The following PCYT1B variants were observed in gnomAD, a reference collection of about 807,000 sequenced individuals.
PCYT1B encodes the protein choline-phosphate cytidylyltransferase B.
A neutral mutation model predicts 26.4 loss-of-function variants in PCYT1B; 10 were observed. The observed-to-expected ratio is 0.38, with a 90% CI of 0.23 to 0.64. The LOEUF is 0.64. PCYT1B is among the 30% of genes least tolerant of loss of function. PCYT1B has a pLI of 0.56. For synonymous variants in PCYT1B, 131 were observed against 108.4 expected (o/e 1.21, Z -1.29); for missense variants, 161 against 292.7 (o/e 0.55, Z 3.28).
In PCYT1B at chrX:24,614,817, C is replaced by A. The variant is rs772604043; in HGVS notation, c.217+4168G>T. 2.3e-4 allele frequency among the ~76,000 whole-genome samples: 26 copies of A among 112,130 alleles called. No homozygotes were observed. The South Asian group carries it at 6.0e-3, about 26-fold the overall frequency. On this transcript the variant is annotated intron_variant, in intron 2 of 7. Transcript: ENST00000379144. ...GCAAGATTCTTAAAAATTCTCCGAGCTTTTCTGCTAACAGTACAATGCTCC... is the reference window on the plus strand; with the variant it reads ...GCAAGATTCTTAAAAATTCTCCGAGATTTTCTGCTAACAGTACAATGCTCC...
chrX:24,572,258 A>ACGCG (rs756755932), intron 7 of PCYT1B, among the ~76,000 whole-genome samples: 1 of 103,182 alleles, frequency 9.7e-6, no homozygotes, highest in African/African-American at 3.5e-5. Flanking sequence ...ACATACACAC[A>ACGCG]CGCGCGCGCA....
At chrX:24,629,578 A>AAAAAC (rs1925991091) in intron 1 of PCYT1B, among the ~76,000 whole-genome samples, 2 of 100,016 alleles carry the variant, frequency 2.0e-5, no homozygotes. Flanking sequence ...AAAAAAAAAA[A>AAAAAC]AAAAAAAAAA....
intron 7 of PCYT1B, among the ~76,000 whole-genome samples, chrX:24,568,037 A>G (rs1164207801): frequency 8.9e-6 from 1 of 112,239 alleles, no homozygotes; most frequent in Non-Finnish European, 1.9e-5. Flanking sequence ...TAAAGGTTTC[A>G]GTATTTCAGA....
At chrX:24,620,370 T>C (rs1925662870) in intron 1 of PCYT1B, among the ~76,000 whole-genome samples, 1 of 111,367 alleles carries the variant, frequency 9.0e-6, no homozygotes, top group Admixed American at 9.5e-5. Context: ...CCTTCCACCC[T>C]AGAAGCTCAA....
intron 3 of PCYT1B, among the ~76,000 whole-genome samples, chrX:24,595,677 C>T (rs1239398160): frequency 9.1e-6 from 1 of 110,274 alleles, no homozygotes; most frequent in Non-Finnish European, 1.9e-5. Context: ...GTCAGGAATT[C>T]GAGACCAGCC....
At chrX:24,603,580 A>G (rs1278995211) in intron 3 of PCYT1B, among the ~76,000 whole-genome samples, 1 of 110,521 alleles carries the variant, frequency 9.0e-6, no homozygotes, top group Non-Finnish European at 1.9e-5. Context: ...AAAATTAGCC[A>G]GGCATGGTGG....
chrX:24,656,839 A>G (rs899125227), intron 1 of PCYT1B, among the ~76,000 whole-genome samples: 1 of 111,114 alleles, frequency 9.0e-6, no homozygotes, highest in Non-Finnish European at 1.9e-5. Context: ...GCCCAGCTCC[A>G]ATATTCTTAG....
rs371143600 is a variant in PCYT1B at position 24,574,761 on chromosome X, G to A, written c.897+369C>T. ...ATCCATGTCTTGTAACACAAGCTCCGTGCTGCCACTAGCCCACTTCATCTG... is the reference window on the plus strand; with the variant it reads ...ATCCATGTCTTGTAACACAAGCTCCATGCTGCCACTAGCCCACTTCATCTG... On this transcript the variant is annotated intron_variant, in intron 7 of 7. Coordinates refer to ENST00000379144, the MANE Select transcript of PCYT1B (RefSeq NM_004845.5). 3.8e-4 allele frequency among the ~76,000 whole-genome samples: 42 copies of A among 111,989 alleles called. No individual in the cohort carries two copies. In the Middle Eastern group the frequency reaches 0.019, roughly 50 times the overall value.
intron 2 of PCYT1B, among the ~76,000 whole-genome samples, chrX:24,617,593 G>A (rs1251679513): frequency 9.3e-6 from 1 of 107,487 alleles, no homozygotes; most frequent in Non-Finnish European, 1.9e-5. Flanking sequence ...GATTACAGGT[G>A]CCTGCCACCA....
At chrX:24,638,588 T>A (rs185814436) in intron 1 of PCYT1B, among the ~76,000 whole-genome samples, 7 of 112,165 alleles carry the variant, frequency 6.2e-5, no homozygotes, top group African/African-American at 2.3e-4. Flanking sequence ...TTCCTTGCTT[T>A]TTTTTCCTTT....
At chrX:24,660,741 G>A (rs1049839856) in intron 1 of PCYT1B, among the ~76,000 whole-genome samples, 3 of 109,642 alleles carry the variant, frequency 2.7e-5, no homozygotes, top group African/African-American at 6.6e-5. Context: ...AGCTATATGC[G>A]GTCAATGATC....
At chrX:24,596,369 A>C (rs1205891496) in intron 3 of PCYT1B, among the ~76,000 whole-genome samples, 1 of 111,345 alleles carries the variant, frequency 9.0e-6, no homozygotes, top group Admixed American at 9.6e-5. Flanking sequence ...AGGTGGGCAG[A>C]TCACTTGAGG....
chrX:24,566,780 T>C (rs964485444), intron 7 of PCYT1B, among the ~76,000 whole-genome samples: 2 of 111,752 alleles, frequency 1.8e-5, no homozygotes, highest in African/African-American at 6.5e-5. Flanking sequence ...CGTTACTTTG[T>C]AGAGTCCCAA....
In PCYT1B at chrX:24,561,227, G is replaced by A. The variant is rs1270277000; in HGVS notation, c.*1066C>T. On this transcript the variant is annotated 3_prime_UTR_variant, in exon 8 of 8. Transcript: ENST00000379144. ...GATTTCAGAGGAGTATTATGGTGGA[G>A]CGCAGGAGTGGGGTCTATTATAAAA... 8.9e-6 allele frequency: 1 copy of A among 112,353 alleles called. No homozygotes were observed. Among genetic ancestry groups the A allele is most frequent in the African/African-American group, 3.3e-5 (1 of 30,719 alleles). 9.3% of individuals were successfully genotyped at this position (112,353 alleles called of 1,213,427 possible). A position where few individuals can be genotyped will look rare whatever the true frequency, so the allele number is the denominator to read the frequency against.
At chrX:24,594,577 C>T (rs189327457) in intron 3 of PCYT1B, among the ~76,000 whole-genome samples, 112 of 111,697 alleles carry the variant, frequency 1.0e-3, no homozygotes, top group African/African-American at 3.5e-3. Flanking sequence ...TGATAGAGCA[C>T]AAAGAAAACA....
chrX:24,591,423 A>C (rs1342693639), intron 3 of PCYT1B, among the ~76,000 whole-genome samples: 1 of 110,415 alleles, frequency 9.1e-6, no homozygotes, highest in Non-Finnish European at 1.9e-5. Context: ...ACTTACAATA[A>C]ATTCACTAAT....
chrX:24,645,791 A>C, intron 1 of PCYT1B, among the ~76,000 whole-genome samples: 1 of 111,549 alleles, frequency 9.0e-6, no homozygotes, highest in Middle Eastern at 4.6e-3. Flanking sequence ...AGCATAGGGG[A>C]AAAAAGCCCA....
intron 2 of PCYT1B, among the ~76,000 whole-genome samples, chrX:24,618,694 T>C (rs1157301321): frequency 9.2e-6 from 1 of 108,919 alleles, no homozygotes; most frequent in Non-Finnish European, 1.9e-5. Context: ...CTCGGCTCAC[T>C]GCAATCTCCA....
intron 6 of PCYT1B, 110 bp downstream of exon 6, chrX:24,579,206 A>T: frequency 3.3e-6 from 2 of 613,960 alleles, no homozygotes; most frequent in Non-Finnish European, 4.9e-6. Flanking sequence ...AAAAAGAGAG[A>T]GAGAGAGGGA....
Sources: gnomAD v4.1 joint callset for allele counts (sites outside exome capture counted in the v4.1 genomes callset) on GRCh38, gnomAD v4.1.1 for gene constraint, MANE v1.5 for transcripts, NCBI Gene and HGNC (gene_info 2026-07-23, HGNC 2026-07-21) for gene names.